BRDT: variants seen among roughly 807,000 people sequenced by gnomAD.
The protein encoded by BRDT is bromodomain testis-specific protein.
BRDT carries 77 observed loss-of-function variants against 113.9 expected under a neutral mutation model. The ratio of observed to expected loss-of-function variants is 0.68; its 90% CI spans 0.56 to 0.82. The LOEUF is 0.82. BRDT is among the 40% of genes least tolerant of loss of function. The probability of loss-of-function intolerance (pLI) is 0.00; values close to 1 mark genes in which losing one functional copy is unlikely to be tolerated. For synonymous variants in BRDT, 358 were observed against 366.5 expected (o/e 0.98, Z 0.26); for missense variants, 1,027 against 1,105.4 (o/e 0.93, Z 1.01).
At chr1:92,007,448 C>T (rs1163493230) in intron 18 of BRDT, among the ~76,000 whole-genome samples, 1 of 152,144 alleles carries the variant, frequency 6.6e-6, no homozygotes, top group African/African-American at 2.4e-5. Context: ...TTCCTAAGTT[C>T]ATATCATTCA....
At chr1:91,962,581 G>A (rs940316882) in intron 1 of BRDT, 137 bp from the exon 2 acceptor site, 15 of 419,998 alleles carry the variant, frequency 3.6e-5, no homozygotes, top group African/African-American at 1.4e-4. Flanking sequence ...TGATCCACCC[G>A]CCTTGGCCTC....
intron 12 of BRDT, among the ~76,000 whole-genome samples, chr1:91,982,046 A>G (rs1204073553): frequency 1.3e-5 from 2 of 152,214 alleles, no homozygotes; most frequent in African/African-American, 2.4e-5. Flanking sequence ...ATCAAAATAT[A>G]TCAGATAATA....
chr1:91,970,627 C>A (rs1345190701), intron 4 of BRDT, among the ~76,000 whole-genome samples: 1 of 152,276 alleles, frequency 6.6e-6, no homozygotes, highest in East Asian at 1.9e-4. Context: ...TAAAGAAATA[C>A]CTGGCTGGGC....
In BRDT at chr1:91,981,396, T is replaced by C. The variant is rs1324681625; in HGVS notation, c.1864+15T>C. On this transcript the variant is annotated intron_variant, in intron 11 of 18. Transcript: ENST00000399546. Reference sequence around the variant, plus strand: ...TCAAACAAAATGTAGGTGGCAGTTTTTGTTTGTTTGTATGTATGTATGTAT... The same window carrying C: ...TCAAACAAAATGTAGGTGGCAGTTTCTGTTTGTTTGTATGTATGTATGTAT... 6.9e-6 allele frequency: 11 copies of C among 1,593,614 alleles called. No homozygotes were observed. Among genetic ancestry groups the C allele is most frequent in the Non-Finnish European group, 9.4e-6 (11 of 1,164,060 alleles).
Position 91,977,143 on chromosome 1 carries a change from T to G in BRDT, c.719T>G (p.Val240Gly). The G allele has an allele frequency of 6.2e-7, 1 of 1,613,962 alleles. No individual in the cohort carries two copies. Residue 240 changes from valine (V) to glycine (G), a missense_variant, in exon 6 of 19, where the codon GTG (valine) becomes GGG (glycine). Transcript: ENST00000399546. The part of the protein sequence containing the change: ...EFSPTFTEKS[V>G]ALPPIKENMP... ...TCTCCAACATTCACAGAAAAATCAGTGGCACTGCCACCTATAAAAGAAAAT... is the reference window on the plus strand; with the variant it reads ...TCTCCAACATTCACAGAAAAATCAGGGGCACTGCCACCTATAAAAGAAAAT...
At chr1:91,986,909 A>G (rs527527759) in intron 12 of BRDT, among the ~76,000 whole-genome samples, 1 of 151,084 alleles carries the variant, frequency 6.6e-6, no homozygotes, top group South Asian at 2.1e-4. Context: ...ACATGACTAG[A>G]GTTTATTAAA....
In BRDT at chr1:91,981,690, G is replaced by T; in HGVS notation, c.1937G>T (p.Ser646Ile). ...AGTGAGAGCAGCAGCAGCAGCAGCA[G>T]CTCATCAGAGTCTGAAAGTAGCAGC... ...RLSESSSSSSSSSESESSSSD... is the reference protein window; with the variant it reads ...RLSESSSSSSISSESESSSSD... Residue 646 changes from serine (S) to isoleucine (I), a missense_variant, in exon 12 of 19, where the codon AGC becomes ATC. Ser to Ile is a moderately radical substitution (Grantham distance 142, BLOSUM62 -2). Coordinates refer to ENST00000399546, the MANE Select transcript of BRDT (RefSeq NM_207189.4). 1 of 1,614,160 alleles carries T rather than the reference G, an allele frequency of 6.2e-7. No individual in the cohort carries two copies. The highest frequency in any genetic ancestry group is 8.5e-7 in the Non-Finnish European group (1 of 1,180,012).
rs939479821 is a variant in BRDT, at chr1:91,981,737, A to G, written c.1984A>G (p.Ser662Gly). ...SSSSDLSSSD[S>G]SDSESEMFPK... ...CAGCAGTGACTTAAGCTCTTCAGAC[A>G]GCAGTGATTCTGAATCAGGTTAGCT... Residue 662 changes from serine (S) to glycine (G), a missense_variant, in exon 12 of 19, where the codon AGC becomes GGC. Ser to Gly is a moderately conservative substitution (Grantham distance 56). Transcript: ENST00000399546. 12 of 1,613,682 alleles carry G rather than the reference A, an allele frequency of 7.4e-6. No individual in the cohort carries two copies. The highest frequency in any genetic ancestry group is 8.5e-6 in the Non-Finnish European group (10 of 1,179,832).
intron 12 of BRDT, among the ~76,000 whole-genome samples, chr1:91,983,501 ACCTCGG>A (rs1268286092): frequency 2.6e-5 from 4 of 151,884 alleles, no homozygotes; most frequent in Non-Finnish European, 5.9e-5. Flanking sequence ...TGATCCACCC[ACCTCGG>A]CCTCCCAAAG....
At chr1:91,957,811 A>C (rs1253380210) in intron 1 of BRDT, among the ~76,000 whole-genome samples, 1 of 151,636 alleles carries the variant, frequency 6.6e-6, no homozygotes, top group Non-Finnish European at 1.5e-5. Flanking sequence ...TCTTTTTACT[A>C]TCTCTATAGT....
intron 14 of BRDT, among the ~76,000 whole-genome samples, chr1:91,993,254 T>A (rs1364082628): frequency 6.6e-6 from 1 of 152,204 alleles, no homozygotes; most frequent in Non-Finnish European, 1.5e-5. Flanking sequence ...GCCTACCTAC[T>A]CACTCACCCC....
intron 12 of BRDT, among the ~76,000 whole-genome samples, chr1:91,986,966 GTC>G (rs1557844547): frequency 6.7e-6 from 1 of 150,312 alleles, no homozygotes; most frequent in African/African-American, 2.4e-5. Context: ...TGGAGACAGA[GTC>G]TCACTGTTGC....
At chr1:91,974,306 G>GCTT (rs1213651511) in intron 4 of BRDT, among the ~76,000 whole-genome samples, 1 of 152,168 alleles carries the variant, frequency 6.6e-6, no homozygotes, top group East Asian at 1.9e-4. Context: ...AAACTAAAGA[G>GCTT]CTTCTGCACA....
chr1:91,961,042 GGC>G (rs1157539127), intron 1 of BRDT, among the ~76,000 whole-genome samples: 1 of 152,236 alleles, frequency 6.6e-6, no homozygotes, highest in Non-Finnish European at 1.5e-5. Context: ...CGGGTGCAGT[GGC>G]TCACGCCTGT....
Position 91,980,651 on chromosome 1 carries a change from T to C in BRDT, c.1296T>C (p.Ala432=), listed in dbSNP as rs765573112. The C allele has an allele frequency of 5.7e-6, 9 of 1,567,344 alleles. No homozygotes were observed. The South Asian group carries it at 9.9e-5, about 17-fold the overall frequency. Reference sequence around the variant, plus strand: ...TTTTTTTCTTTTATCAGCTTAAAGCTGTACATCAACAGCTCCAGGTTTTGT... The same window carrying C: ...TTTTTTTCTTTTATCAGCTTAAAGCCGTACATCAACAGCTCCAGGTTTTGT... ...RLAKLQEQLK[A]VHQQLQVLSQ... is the part of the protein sequence containing the mutation. Residue 432 remains alanine (A), a synonymous_variant, in exon 9 of 19, where the codon GCT becomes GCC. Coordinates refer to ENST00000399546, the MANE Select transcript of BRDT (RefSeq NM_207189.4).
In BRDT at chr1:91,977,280, A is replaced by G; in HGVS notation, c.856A>G (p.Lys286Glu). ...TGAGATTCTTAAAGAAATGCTTGCA[A>G]AGAAACATTTTTCATATGCATGGCC... Reference protein sequence around the residue: ...CSEILKEMLAKKHFSYAWPFY... With the variant: ...CSEILKEMLAEKHFSYAWPFY... The change falls in exon 6 of 19, where the codon AAG becomes GAG. Residue 286 changes from lysine to glutamate, a missense_variant. Transcript: ENST00000399546. 1 of 1,614,108 alleles carries G rather than the reference A, an allele frequency of 6.2e-7. No individual in the cohort carries two copies. The highest frequency in any genetic ancestry group is 1.1e-5 in the South Asian group (1 of 91,078).
At chr1:91,991,334 T>G (rs1230837463) in intron 13 of BRDT, 89 bp downstream of exon 13, 7 of 631,960 alleles carry the variant, frequency 1.1e-5, no homozygotes, top group African/African-American at 1.9e-5. Context: ...TGTTTTCAAT[T>G]TTATTTACAC....
At chr1:91,975,670 T>G (rs1008178782) in intron 4 of BRDT, among the ~76,000 whole-genome samples, 38 of 152,192 alleles carry the variant, frequency 2.5e-4, no homozygotes, top group Non-Finnish European at 4.7e-4. Context: ...TGTGAACAAT[T>G]AGAAGAATAG....
chr1:92,002,504 C>CA (rs1250992544), intron 16 of BRDT, among the ~76,000 whole-genome samples: 1 of 152,120 alleles, frequency 6.6e-6, no homozygotes, highest in Middle Eastern at 3.2e-3. Flanking sequence ...GCTGGGATTA[C>CA]AGGTGTGTAC....
Sources: allele counts gnomAD v4.1 joint callset (sites outside exome capture counted in the v4.1 genomes callset), GRCh38; gene constraint gnomAD v4.1.1; transcripts MANE v1.5; gene names NCBI Gene and HGNC (gene_info 2026-07-23, HGNC 2026-07-21).